GPHN: variants seen among roughly 807,000 people sequenced by gnomAD.
The protein encoded by GPHN is gephyrin.
A neutral mutation model predicts 95.5 loss-of-function variants in GPHN; 17 were observed. That is an observed-to-expected ratio of 0.18 (90% CI 0.12 to 0.27). The LOEUF (loss-of-function observed/expected upper bound fraction) is 0.27, where lower values mean the gene tolerates loss of function less well. GPHN is among the 10% of genes least tolerant of loss of function. The pLI is 1.00. For missense variants in GPHN, 660 were observed against 978.1 expected (o/e 0.67, Z 4.34); for synonymous variants, 320 against 322.5 (o/e 0.99, Z 0.08).
At chr14:66,798,057 C>T in intron 3 of GPHN, among the ~76,000 whole-genome samples, 1 of 151,870 alleles carries the variant, frequency 6.6e-6, no homozygotes, top group East Asian at 1.9e-4. Flanking sequence ...TTATCAAATG[C>T]TTTGTTAGCA....
chr14:67,579,254 CT>C, the GPHN span: 1 of 1,600,366 alleles, frequency 6.2e-7, no homozygotes, highest in East Asian at 2.3e-5. Flanking sequence ...TGCGTAACCC[CT>C]TCCACCACTC....
the GPHN span, among the ~76,000 whole-genome samples, chr14:67,459,688 C>T: frequency 2.6e-5 from 4 of 152,202 alleles, no homozygotes; most frequent in African/African-American, 9.7e-5. Context: ...GCTTCTGTGC[C>T]TCCCAGTACT....
chr14:67,454,694 A>AAAATATATCATTAAAGTGG, the GPHN span: 1 of 152,230 alleles, frequency 6.6e-6, no homozygotes, highest in Non-Finnish European at 1.5e-5. Context: ...AAAAAGTAAG[A>AAAATATATCATTAAAGTGG]AAATATATCA....
At chr14:66,564,139 T>A (rs958041024) in intron 1 of GPHN, among the ~76,000 whole-genome samples, 3 of 152,120 alleles carry the variant, frequency 2.0e-5, no homozygotes, top group Admixed American at 2.0e-4. Flanking sequence ...ATAGGGAGAT[T>A]GGGTTTAAAA....
the GPHN span, among the ~76,000 whole-genome samples, chr14:67,415,796 C>G: frequency 6.6e-6 from 1 of 152,166 alleles, no homozygotes; most frequent in Non-Finnish European, 1.5e-5. Flanking sequence ...ACTATGCAGC[C>G]AAAAACAGGA....
the GPHN span, among the ~76,000 whole-genome samples, chr14:67,200,939 G>A: frequency 2.0e-5 from 3 of 152,134 alleles, no homozygotes; most frequent in African/African-American, 7.2e-5. Context: ...AACCCCACCT[G>A]GTTAGCATGT....
the GPHN span, among the ~76,000 whole-genome samples, chr14:67,459,686 G>C: frequency 6.6e-6 from 1 of 152,304 alleles, no homozygotes; most frequent in Non-Finnish European, 1.5e-5. Context: ...GGGCTTCTGT[G>C]CCTCCCAGTA....
In GPHN at chr14:66,876,590, A is replaced by G. The variant is rs112454548; in HGVS notation, c.295-3349A>G. ...TCACACTGATCCCACCAAAATACAAACTACCATCAGTGAATACTATAAATA... is the reference window on the plus strand; with the variant it reads ...TCACACTGATCCCACCAAAATACAAGCTACCATCAGTGAATACTATAAATA... On this transcript the variant is annotated intron_variant, in intron 4 of 22. Transcript: ENST00000478722. Among the ~76,000 whole-genome samples, 471 of 152,328 alleles carry G rather than the reference A, an allele frequency of 3.1e-3. 11 individuals are homozygous for G. Among genetic ancestry groups the G allele is most frequent in the African/African-American group, 0.011 (446 of 41,576 alleles).
intron 2 of GPHN, among the ~76,000 whole-genome samples, chr14:66,757,517 G>A (rs2058606223): frequency 6.6e-6 from 1 of 152,126 alleles, no homozygotes; most frequent in African/African-American, 2.4e-5. Flanking sequence ...AGCCTCCCGA[G>A]TAGCTGGGAT....
At chr14:66,635,712 G>A (rs1205101984) in intron 1 of GPHN, among the ~76,000 whole-genome samples, 1 of 152,152 alleles carries the variant, frequency 6.6e-6, no homozygotes, top group Non-Finnish European at 1.5e-5. Flanking sequence ...GCAAAAGAAA[G>A]GAATGAGGTG....
At chr14:67,288,561 T>C in the GPHN span, among the ~76,000 whole-genome samples, 2 of 152,188 alleles carry the variant, frequency 1.3e-5, no homozygotes, top group Non-Finnish European at 2.9e-5. Context: ...AGAAGTCTAG[T>C]CCCCATAAGA....
At chr14:67,003,165 T>A (rs772174609) in intron 9 of GPHN, among the ~76,000 whole-genome samples, 2 of 151,670 alleles carry the variant, frequency 1.3e-5, no homozygotes, top group Non-Finnish European at 3.0e-5. Flanking sequence ...ACCCCAAAGA[T>A]GACTAATAGG....
the GPHN span, among the ~76,000 whole-genome samples, chr14:67,226,732 C>A: frequency 1.3e-5 from 2 of 152,170 alleles, no homozygotes; most frequent in Non-Finnish European, 2.9e-5. Flanking sequence ...CAGAGGAGAA[C>A]AATGTGGCTG....
the GPHN span, among the ~76,000 whole-genome samples, chr14:67,545,925 T>C: frequency 6.6e-6 from 1 of 151,824 alleles, no homozygotes; most frequent in African/African-American, 2.4e-5. Context: ...CTGATTTCAA[T>C]TGAACAAAAG....
chr14:66,529,705 C>T (rs1388188582), intron 1 of GPHN, among the ~76,000 whole-genome samples: 1 of 152,066 alleles, frequency 6.6e-6, no homozygotes, highest in Admixed American at 6.6e-5. Flanking sequence ...TGTTAGTTTT[C>T]CTTCTAACAC....
the GPHN span, among the ~76,000 whole-genome samples, chr14:67,716,808 C>T: frequency 4.5e-4 from 67 of 150,352 alleles, no homozygotes; most frequent in African/African-American, 1.3e-3. Context: ...TGCTTGGGCC[C>T]GGGAGGTGGA....
At chr14:67,260,849 A>G in the GPHN span, among the ~76,000 whole-genome samples, 1 of 152,154 alleles carries the variant, frequency 6.6e-6, no homozygotes, top group Non-Finnish European at 1.5e-5. Context: ...CATATGGGAA[A>G]CAGCAAGTAG....
the GPHN span, among the ~76,000 whole-genome samples, chr14:67,455,245 C>T: frequency 1.3e-5 from 2 of 152,346 alleles, no homozygotes; most frequent in South Asian, 2.1e-4. Flanking sequence ...CCCTGCGGCC[C>T]ACCCTCGTTC....
At chr14:66,515,381 A>G (rs1356546295) in intron 1 of GPHN, among the ~76,000 whole-genome samples, 3 of 152,156 alleles carry the variant, frequency 2.0e-5, no homozygotes, top group African/African-American at 7.2e-5. Context: ...GGGTAGATGG[A>G]GTGAAGTTGA....
Sources: allele counts gnomAD v4.1 joint callset (sites outside exome capture counted in the v4.1 genomes callset), GRCh38; gene constraint gnomAD v4.1.1; transcripts MANE v1.5; gene names NCBI Gene and HGNC (gene_info 2026-07-23, HGNC 2026-07-21).